Variants in PTPRD observed in about 807,000 individuals in gnomAD.
The protein encoded by PTPRD is receptor-type tyrosine-protein phosphatase delta.
A neutral mutation model predicts 214.5 loss-of-function variants in PTPRD; 34 were observed. That is an observed-to-expected ratio of 0.16 (90% confidence interval 0.12 to 0.21). PTPRD has a LOEUF of 0.21. Among genes scored for constraint, PTPRD ranks in the 10% least tolerant of loss-of-function variants. The pLI is 1.00. For synonymous variants in PTPRD, 1,128 were observed against 845.7 expected, an observed-to-expected ratio of 1.33 and a Z score of -5.79; for missense variants, 2,545 against 2,398.7, an observed-to-expected ratio of 1.06 and a Z score of -1.27.
At chr9:8,843,562 T>C (rs554939879) in intron 11 of PTPRD, among the ~76,000 whole-genome samples, 5 of 152,214 alleles carry the variant, frequency 3.3e-5, no homozygotes, top group South Asian at 2.1e-4. Context: ...TATTAACCAC[T>C]TCAAATGTAG....
intron 9 of PTPRD, among the ~76,000 whole-genome samples, chr9:9,377,677 T>G (rs1010270355): frequency 6.6e-6 from 1 of 152,018 alleles, no homozygotes; most frequent in African/African-American, 2.4e-5. Context: ...CTTCAGACAT[T>G]GACTACAAAC....
At chr9:8,736,814 C>T (rs1335029499) in intron 11 of PTPRD, among the ~76,000 whole-genome samples, 5 of 151,888 alleles carry the variant, frequency 3.3e-5, no homozygotes, top group Non-Finnish European at 7.4e-5. Flanking sequence ...TTATCAATCG[C>T]CTCTGAAAAT....
At chr9:10,193,538 G>C (rs1358391036) in intron 3 of PTPRD, among the ~76,000 whole-genome samples, 2 of 152,128 alleles carry the variant, frequency 1.3e-5, no homozygotes, top group Non-Finnish European at 2.9e-5. Flanking sequence ...ACACCTTTGA[G>C]TATTGGCAGT....
intron 8 of PTPRD, among the ~76,000 whole-genome samples, chr9:9,569,991 G>C (rs2085852586): frequency 6.6e-6 from 1 of 151,338 alleles, no homozygotes; most frequent in South Asian, 2.1e-4. Flanking sequence ...AGTTGAAAGT[G>C]CTCATCAGAA....
At chr9:9,292,364 C>G (rs1951453265) in intron 9 of PTPRD, among the ~76,000 whole-genome samples, 1 of 151,308 alleles carries the variant, frequency 6.6e-6, no homozygotes, top group Non-Finnish European at 1.5e-5. Context: ...AGGAAGATTT[C>G]CCATTTACCA....
intron 11 of PTPRD, among the ~76,000 whole-genome samples, chr9:8,803,635 G>T (rs1330059818): frequency 2.0e-5 from 3 of 151,866 alleles, no homozygotes; most frequent in Non-Finnish European, 2.9e-5. Flanking sequence ...GAAGTGGGAG[G>T]ACTGCTTGAG....
intron 2 of PTPRD, among the ~76,000 whole-genome samples, chr9:10,402,855 T>C (rs944518521): frequency 8.6e-5 from 13 of 151,654 alleles, no homozygotes; most frequent in African/African-American, 3.1e-4. Flanking sequence ...AATGTCTTTA[T>C]TGCCTTGAAG....
At chr9:8,978,979 T>G (rs77096232) in intron 11 of PTPRD, among the ~76,000 whole-genome samples, 2 of 152,084 alleles carry the variant, frequency 1.3e-5, no homozygotes, top group Admixed American at 6.6e-5. Context: ...CTTTATTCTT[T>G]TTTTAATGTT....
intron 12 of PTPRD, among the ~76,000 whole-genome samples, chr9:8,668,118 C>T (rs921773691): frequency 2.6e-5 from 4 of 151,852 alleles, no homozygotes; most frequent in Admixed American, 6.6e-5. Context: ...AATATATCAC[C>T]CTGGAAAGAA....
At chr9:10,428,774 T>C (rs2098649415) in intron 2 of PTPRD, among the ~76,000 whole-genome samples, 2 of 152,036 alleles carry the variant, frequency 1.3e-5, no homozygotes, top group African/African-American at 4.8e-5. Context: ...AGTGACTGTA[T>C]TTGTGAGGGG....
chr9:8,835,680 T>C (rs1236010191), intron 11 of PTPRD, among the ~76,000 whole-genome samples: 1 of 152,018 alleles, frequency 6.6e-6, no homozygotes, highest in East Asian at 1.9e-4. Context: ...CAGGTGTGTG[T>C]CACACATCCA....
chr9:9,716,700 T>C (rs528976822), intron 7 of PTPRD, among the ~76,000 whole-genome samples: 195 of 152,326 alleles, frequency 1.3e-3, no homozygotes, highest in African/African-American at 4.6e-3. Context: ...TTGATGGGGT[T>C]GTTTTTTTCT....
chr9:8,837,281 C>T (rs1353132362), intron 11 of PTPRD, among the ~76,000 whole-genome samples: 1 of 150,166 alleles, frequency 6.7e-6, no homozygotes, highest in Non-Finnish European at 1.5e-5. Flanking sequence ...TCCCGAAGTG[C>T]TGGGATTACA....
intron 10 of PTPRD, among the ~76,000 whole-genome samples, chr9:9,158,339 C>T (rs774557602): frequency 4.6e-5 from 7 of 152,096 alleles, no homozygotes; most frequent in East Asian, 1.9e-4. Flanking sequence ...ACTAGACTCA[C>T]GCCTGTAATC....
rs547414693 is a variant in PTPRD at position 8,769,063 on chromosome 9, C to T, written c.-103-35117G>A. Among the ~76,000 whole-genome samples the T allele has an allele frequency of 2.0e-5, 3 of 152,178 alleles. No homozygotes were observed. The South Asian group carries it at 6.2e-4, about 32-fold the overall frequency. ...CTAATTCTGTGTGTTAGCATAACGC[C>T]AACTTTTGTCAATGATTTATGAATC... is the stretch of plus-strand genomic sequence containing the variant. On this transcript the variant is annotated intron_variant, in intron 11 of 45. Transcript: ENST00000381196.
chr9:9,006,254 C>A (rs1184563227), intron 11 of PTPRD, among the ~76,000 whole-genome samples: 1 of 151,870 alleles, frequency 6.6e-6, no homozygotes, highest in African/African-American at 2.4e-5. Flanking sequence ...ATTCTAGGTC[C>A]TCCTATGTTA....
chr9:9,059,935 C>G (rs927220130), intron 10 of PTPRD, among the ~76,000 whole-genome samples: 2 of 152,016 alleles, frequency 1.3e-5, no homozygotes, highest in Non-Finnish European at 2.9e-5. Context: ...CCATATTTAT[C>G]AGTGGAAAGA....
intron 3 of PTPRD, among the ~76,000 whole-genome samples, chr9:10,105,776 C>G (rs918118901): frequency 4.0e-5 from 6 of 151,626 alleles, no homozygotes; most frequent in African/African-American, 1.5e-4. Context: ...AAAAACAGTA[C>G]AAGTGAAAGT....
At chr9:8,934,483 A>ATATATAAATT (rs1340619148) in intron 11 of PTPRD, among the ~76,000 whole-genome samples, 532 of 9,484 alleles carry the variant, frequency 0.056, 50 homozygotes, top group East Asian at 0.088. Flanking sequence ...ATATAAATAT[A>ATATATAAATT]TATATATATA....
Sources: gnomAD v4.1 joint callset for allele counts (sites outside exome capture counted in the v4.1 genomes callset) on GRCh38, gnomAD v4.1.1 for gene constraint, MANE v1.5 for transcripts, NCBI Gene and HGNC (gene_info 2026-07-23, HGNC 2026-07-21) for gene names.